Variants in STARD13 observed in about 807,000 individuals in gnomAD.
The protein encoded by STARD13 is StAR related lipid transfer domain containing 13.
STARD13 carries 62 observed loss-of-function variants against 106.4 expected under a neutral mutation model. The observed-to-expected ratio is 0.58, with a 90% confidence interval of 0.48 to 0.72. The LOEUF is 0.72. Among genes scored for constraint, STARD13 ranks in the 30% least tolerant of loss-of-function variants. The pLI is 0.00. For synonymous variants in STARD13, 565 were observed against 553.0 expected (o/e 1.02, Z -0.31); for missense variants, 1,387 against 1,424.0 (o/e 0.97, Z 0.42).
the STARD13 span, among the ~76,000 whole-genome samples, chr13:33,619,933 G>A: frequency 6.6e-6 from 1 of 152,032 alleles, no homozygotes; most frequent in African/African-American, 2.4e-5. Flanking sequence ...GCGTGGTGGT[G>A]CACAGCTCAC....
intron 3 of STARD13, among the ~76,000 whole-genome samples, chr13:33,151,021 A>G (rs1379766582): frequency 6.6e-6 from 1 of 152,212 alleles, no homozygotes; most frequent in East Asian, 1.9e-4. Flanking sequence ...TAAAAAGAGA[A>G]GAAGCTACTC....
the STARD13 span, chr13:33,611,332 TC>T: frequency 1.3e-5 from 2 of 152,236 alleles, no homozygotes; most frequent in East Asian, 3.8e-4. Context: ...GCAACTTGTC[TC>T]TGGTTACCAG....
the STARD13 span, among the ~76,000 whole-genome samples, chr13:33,589,512 T>C: frequency 6.6e-6 from 1 of 152,220 alleles, no homozygotes; most frequent in Non-Finnish European, 1.5e-5. Context: ...TTGTTCTCAT[T>C]GGTTTCGAAG....
the STARD13 span, among the ~76,000 whole-genome samples, chr13:33,519,207 TTTTTCTTTC>T: frequency 0.087 from 7,709 of 88,498 alleles, 316 homozygotes; most frequent in African/African-American, 0.15. Flanking sequence ...TCTTGGTAAT[TTTTTCTTTC>T]TTTCTTTCTT....
chr13:33,613,447 C>G, the STARD13 span, among the ~76,000 whole-genome samples: 1 of 152,160 alleles, frequency 6.6e-6, no homozygotes, highest in Non-Finnish European at 1.5e-5. Context: ...GTAGTTTTCC[C>G]TGAGGGTGCA....
At chr13:33,180,631 AT>A (rs1465483581) in intron 1 of STARD13, 1 of 152,204 alleles carries the variant, frequency 6.6e-6, no homozygotes, top group African/African-American at 2.4e-5. Context: ...GAGGTCATGA[AT>A]CTCCCAGGTC....
chr13:33,382,934 T>C, the STARD13 span, among the ~76,000 whole-genome samples: 1 of 152,240 alleles, frequency 6.6e-6, no homozygotes, highest in Admixed American at 6.5e-5. Context: ...TTCCATGATA[T>C]CTAGCTTCCA....
chr13:33,572,977 A>G, the STARD13 span, among the ~76,000 whole-genome samples: 1 of 152,190 alleles, frequency 6.6e-6, no homozygotes, highest in South Asian at 2.1e-4. Context: ...TTTAATGCAC[A>G]AGATGACCCA....
At chr13:33,157,860 C>T (rs1882167673) in intron 3 of STARD13, among the ~76,000 whole-genome samples, 1 of 152,186 alleles carries the variant, frequency 6.6e-6, no homozygotes, top group South Asian at 2.1e-4. Context: ...ACTATTTTAA[C>T]ACCTTGGCTA....
chr13:33,404,773 C>CT, the STARD13 span, among the ~76,000 whole-genome samples: 1,965 of 122,208 alleles, frequency 0.016, 57 homozygotes, highest in African/African-American at 0.039. Context: ...ACCTCTGGGA[C>CT]TTTTTTTTTT....
the STARD13 span, among the ~76,000 whole-genome samples, chr13:33,476,172 C>T: frequency 0.011 from 1,642 of 152,098 alleles, 39 homozygotes; most frequent in African/African-American, 0.038. Flanking sequence ...TCGGATTTCC[C>T]TCAAATTACT....
chr13:33,602,534 C>T, the STARD13 span, among the ~76,000 whole-genome samples: 22 of 152,148 alleles, frequency 1.4e-4, no homozygotes, highest in African/African-American at 4.3e-4. Context: ...AGTTTATTAA[C>T]CCAATTCAGG....
chr13:33,490,193 G>A, the STARD13 span, among the ~76,000 whole-genome samples: 1 of 151,956 alleles, frequency 6.6e-6, no homozygotes, highest in East Asian at 1.9e-4. Flanking sequence ...CTTATTTTGC[G>A]CTGGGGAATT....
At chr13:33,610,559 C>T in the STARD13 span, among the ~76,000 whole-genome samples, 5 of 152,222 alleles carry the variant, frequency 3.3e-5, no homozygotes, top group African/African-American at 1.2e-4. Flanking sequence ...GGAGACTTAG[C>T]CTAGCCTGGG....
intron 3 of STARD13, among the ~76,000 whole-genome samples, chr13:33,146,028 A>AT (rs1346944053): frequency 6.6e-6 from 1 of 152,142 alleles, no homozygotes; most frequent in East Asian, 1.9e-4. Context: ...CTACAAAAAA[A>AT]ATATATAAAA....
the STARD13 span, among the ~76,000 whole-genome samples, chr13:33,550,233 A>G: frequency 1.3e-5 from 2 of 152,224 alleles, no homozygotes; most frequent in African/African-American, 4.8e-5. Flanking sequence ...TGTGAAACCA[A>G]TCAGAAAAGA....
chr13:33,463,303 G>A, the STARD13 span, among the ~76,000 whole-genome samples: 71 of 152,308 alleles, frequency 4.7e-4, no homozygotes, highest in South Asian at 2.1e-4. Context: ...AGGCAGTTCT[G>A]CAGTCAGATT....
At chr13:33,574,323 A>C in the STARD13 span, among the ~76,000 whole-genome samples, 2 of 152,252 alleles carry the variant, frequency 1.3e-5, no homozygotes, top group Non-Finnish European at 2.9e-5. Context: ...AAGTGAAAGT[A>C]TGGATCATCT....
chr13:33,438,084 A>T, the STARD13 span, among the ~76,000 whole-genome samples: 1 of 152,210 alleles, frequency 6.6e-6, no homozygotes, highest in African/African-American at 2.4e-5. Context: ...TCCACCCAGA[A>T]GTCAACTACG....
Sources: allele counts gnomAD v4.1 joint callset (sites outside exome capture counted in the v4.1 genomes callset), GRCh38; gene constraint gnomAD v4.1.1; transcripts MANE v1.5; gene names NCBI Gene and HGNC (gene_info 2026-07-23, HGNC 2026-07-21).